Variants in LRWD1 observed in about 807,000 individuals in gnomAD.
LRWD1 encodes leucine rich repeats and WD repeat domain containing 1, also known as leucine-rich repeat and WD repeat-containing protein 1.
In LRWD1, 76 loss-of-function variants were observed where a neutral mutation model predicts 75.6. The observed-to-expected ratio is 1.01, with a 90% CI of 0.84 to 1.22. The LOEUF is 1.22. Ranked by LOEUF, LRWD1 falls within the 50% of genes most tolerant of loss-of-function variation. LRWD1 has a pLI of 0.00. For missense variants in LRWD1, 917 were observed against 862.0 expected, an observed-to-expected ratio of 1.06 and a Z score of -0.80; for synonymous variants, 487 against 377.0, an observed-to-expected ratio of 1.29 and a Z score of -3.38.
intron 14 of LRWD1, 40 bp from the exon 15 acceptor site, chr7:102,472,869 A>G (rs1798255475): frequency 6.2e-7 from 1 of 1,611,554 alleles, no homozygotes; most frequent in African/African-American, 1.3e-5. Context: ...GCCTTTGGTC[A>G]GCAGGAGCCC....
In LRWD1 at chr7:102,472,912, C is replaced by CTGAAG. The variant is rs1798259495; in HGVS notation, c.1810_1814dup (p.Trp605Ter). The CTGAAG allele has an allele frequency of 6.2e-7, 1 of 1,613,770 alleles. No homozygotes were observed. Among genetic ancestry groups the CTGAAG allele is most frequent in the East Asian group, 2.2e-5 (1 of 44,864 alleles). On this transcript the variant is annotated frameshift_variant, in exon 15 of 15. Transcript: ENST00000292616. LOFTEE classifies it high-confidence loss of function. ...CCCTCCCCTCTCTCCCCACCAGATCCTGAAGTGGCCCCAGCCCTGGGCCCT... is the reference window on the plus strand; with the variant it reads ...CCCTCCCCTCTCTCCCCACCAGATCCTGAAGTGAAGTGGCCCCAGCCCTGGGCCCT...
chr7:102,468,691 C>T (rs1302767764), intron 8 of LRWD1, 37 bp downstream of exon 8: 5 of 1,548,856 alleles, frequency 3.2e-6, no homozygotes, highest in Non-Finnish European at 3.5e-6. Flanking sequence ...GGCAAGGGTG[C>T]CCGACTGACT....
rs962234058 is a variant in LRWD1, at chr7:102,472,753, C to T, written c.1752C>T (p.Asn584=). 4 of 1,613,484 alleles carry T rather than the reference C, an allele frequency of 2.5e-6. No individual in the cohort carries two copies. The highest frequency in any genetic ancestry group is 1.3e-5 in the African/African-American group (1 of 75,064). ...EGNVWLYDVS[N]ILKQPPLLPA... ...ACGTGTGGCTCTACGACGTCAGCAACATCCTGAAGCAGCCACCCCTGCTGC... is the reference window on the plus strand; with the variant it reads ...ACGTGTGGCTCTACGACGTCAGCAATATCCTGAAGCAGCCACCCCTGCTGC... Residue 584 remains asparagine, a synonymous_variant, in exon 14 of 15, where the codon AAC becomes AAT. Transcript: ENST00000292616.
intron 1 of LRWD1, 53 bp from the exon 2 acceptor site, chr7:102,465,764 G>A (rs1207084421): frequency 7.4e-7 from 1 of 1,355,972 alleles, no homozygotes; most frequent in Non-Finnish European, 1.1e-6. Flanking sequence ...GGGGCAGATT[G>A]GTGTAGGGTG....
chr7:102,467,868 C>T, intron 5 of LRWD1, 45 bp downstream of exon 5: 1 of 1,538,650 alleles, frequency 6.5e-7, no homozygotes, highest in Non-Finnish European at 8.8e-7. Flanking sequence ...AGTCCCTCCT[C>T]CCTGGAGAAG....
intron 1 of LRWD1, 81 bp downstream of exon 1, chr7:102,465,241 C>G: frequency 7.9e-7 from 1 of 1,268,162 alleles, no homozygotes; most frequent in Non-Finnish European, 1.0e-6. Context: ...CCCAACGGCC[C>G]GCTTGTCCCC....
chr7:102,471,152 G>T (rs868035803), intron 11 of LRWD1: 1 of 152,024 alleles, frequency 6.6e-6, no homozygotes, highest in Non-Finnish European at 1.5e-5. Flanking sequence ...GGCTGGTCTC[G>T]AACTCCTGAC....
Position 102,465,915 on chromosome 7 carries a change from A to G in LRWD1, c.179A>G (p.Glu60Gly), listed in dbSNP as rs117376828. ...QELDLSNNHL[E>G]TLPDNLGLSH... ...CTTGACCTGTCTAACAACCACCTGG[A>G]GACGCTGCCGGACAACCTGGGCCTG... The change falls in exon 2 of 15, where the codon GAG (glutamate) becomes GGG (glycine). Residue 60 changes from glutamate (E) to glycine (G), a missense_variant. By Grantham distance (98) the Glu-to-Gly change is moderately conservative. Transcript: ENST00000292616. 186 of 1,613,720 alleles carry G rather than the reference A, an allele frequency of 1.2e-4. 4 individuals carry two copies. The Middle Eastern group carries it at 1.2e-3, about 10-fold the overall frequency.
intron 3 of LRWD1, among the ~76,000 whole-genome samples, 156 bp downstream of exon 3, chr7:102,466,426 A>T (rs113055142): frequency 1.7e-5 from 2 of 120,758 alleles, no homozygotes; most frequent in Admixed American, 8.5e-5. Context: ...TTATTTATTT[A>T]TTTTTTGAGA....
chr7:102,472,373 G>C, intron 12 of LRWD1, 64 bp downstream of exon 12: 1 of 1,551,476 alleles, frequency 6.4e-7, no homozygotes. Flanking sequence ...GCTTGTCCCT[G>C]GGCTAGGCTT....
Position 102,467,834 on chromosome 7 carries a change from C to T in LRWD1, c.678+11C>T. 1.9e-6 allele frequency: 3 copies of T among 1,548,980 alleles called. No homozygotes were observed. The highest frequency in any genetic ancestry group is 2.6e-6 in the Non-Finnish European group (3 of 1,146,256). ...GCCCACAAGCCCAGGGTGAGTGCAG[C>T]TCCCAGGGCTCTGAGGCCAGCCCAG... On this transcript the variant is annotated intron_variant, in intron 5 of 14. Transcript: ENST00000292616.
intron 1 of LRWD1, 118 bp downstream of exon 1, chr7:102,465,278 T>A: frequency 9.9e-7 from 1 of 1,013,702 alleles, no homozygotes; most frequent in Non-Finnish European, 1.3e-6. Context: ...TTCGGCAGAG[T>A]GGTCCAAATG....
rs1554579596 is a variant in LRWD1, at chr7:102,467,171, G to GTGTGTGTGTGTGTGTGT, written c.433-168_433-167insTGTGTGTGTGTGTGTGT. ...TGGGTTGTTGCTGGGGTGTGTGTGG[G>GTGTGTGTGTGTGTGTGT]GTGTGTGTGTGTGTGTGTGTGTGTG... On this transcript the variant is annotated intron_variant, in intron 3 of 14. Coordinates refer to ENST00000292616, the MANE Select transcript of LRWD1 (RefSeq NM_152892.3). Among the ~76,000 whole-genome samples the GTGTGTGTGTGTGTGTGT allele has an allele frequency of 2.5e-4, 25 of 99,144 alleles. 2 individuals carry two copies. The highest frequency in any genetic ancestry group is 8.8e-4 in the African/African-American group (20 of 22,812). 65.0% of individuals were successfully genotyped at this position (99,144 alleles called of 152,430 possible).
Position 102,465,911 on chromosome 7 carries a change from C to T in LRWD1, c.175C>T (p.Leu59=), listed in dbSNP as rs1797960224. ...LQELDLSNNH[L]ETLPDNLGLS... Reference sequence around the variant, plus strand: ...GGAGCTTGACCTGTCTAACAACCACCTGGAGACGCTGCCGGACAACCTGGG... The same window carrying T: ...GGAGCTTGACCTGTCTAACAACCACTTGGAGACGCTGCCGGACAACCTGGG... The change falls in exon 2 of 15, where the codon CTG becomes TTG. Residue 59 remains leucine (L), a synonymous_variant. Transcript: ENST00000292616. 2 of 1,613,796 alleles carry T rather than the reference C, an allele frequency of 1.2e-6. No homozygotes were observed. Among genetic ancestry groups the T allele is most frequent in the African/African-American group, 2.7e-5 (2 of 75,056 alleles).
intron 3 of LRWD1, among the ~76,000 whole-genome samples, chr7:102,467,118 G>GTGT (rs1798012258): frequency 2.3e-3 from 259 of 114,422 alleles, no homozygotes; most frequent in African/African-American, 9.1e-3. Flanking sequence ...TTGTTGCTGG[G>GTGT]GTGTGTGTGT....
chr7:102,469,539 A>G lies in LRWD1; in HGVS notation c.1229-35A>G. 2.5e-6 allele frequency: 4 copies of G among 1,611,718 alleles called. No homozygotes were observed. In the South Asian group the frequency reaches 4.4e-5, roughly 18 times the overall value. ...CAGCAGGAGGGAGCAGGGTCATCTC[A>G]GGGCCACTTCTCCCCTACCCCACCC... On this transcript the variant is annotated intron_variant, in intron 9 of 14. Transcript: ENST00000292616.
chr7:102,467,276 T>C, intron 3 of LRWD1, 63 bp from the exon 4 acceptor site: 4 of 1,529,986 alleles, frequency 2.6e-6, no homozygotes, highest in Non-Finnish European at 3.5e-6. Flanking sequence ...TTCCCTGAGA[T>C]GGAGGGCTGG....
intron 1 of LRWD1, 113 bp from the exon 2 acceptor site, chr7:102,465,704 G>A (rs1201558742): frequency 1.4e-6 from 1 of 733,636 alleles, no homozygotes; most frequent in Non-Finnish European, 2.3e-6. Flanking sequence ...TGGGCGGGGC[G>A]GCTACACTTG....
In LRWD1 at chr7:102,472,593, G is replaced by C. The variant is rs189692940; in HGVS notation, c.1674G>C (p.Ser558=). 1 of 1,608,664 alleles carries C rather than the reference G, an allele frequency of 6.2e-7. No individual in the cohort carries two copies. The highest frequency in any genetic ancestry group is 8.5e-7 in the Non-Finnish European group (1 of 1,177,472). Residue 558 remains serine (S), a synonymous_variant, in exon 13 of 15, where the codon TCG becomes TCC. Transcript: ENST00000292616. ...CGTCCACCGAGTTGGCCTACTTCTC[G>C]CTCAGCGCCTGCCCTGGTGAGCCTG... is the stretch of plus-strand genomic sequence containing the variant. The part of the protein sequence containing the change: ...QWSSTELAYF[S]LSACPDKGIV...
Sources: gnomAD v4.1 joint callset for allele counts (sites outside exome capture counted in the v4.1 genomes callset) on GRCh38, gnomAD v4.1.1 for gene constraint, MANE v1.5 for transcripts, NCBI Gene and HGNC (gene_info 2026-07-23, HGNC 2026-07-21) for gene names.